OAS3: variants seen among roughly 807,000 people sequenced by gnomAD.
OAS3 encodes the protein 2'-5'-oligoadenylate synthetase 3.
In OAS3, 107 loss-of-function variants were observed where a neutral mutation model predicts 113.0. The observed-to-expected ratio is 0.95, with a 90% CI of 0.81 to 1.11. The LOEUF (loss-of-function observed/expected upper bound fraction) is 1.11. Among genes scored for constraint, OAS3 ranks in the 50% most tolerant of loss-of-function variants. The pLI is 0.00. For missense variants in OAS3, 1,258 were observed against 1,389.1 expected (o/e 0.91, Z 1.50); for synonymous variants, 552 against 573.6 (o/e 0.96, Z 0.54).
At position 112,965,827 on chromosome 12, in the gene OAS3, C is replaced by G. The variant is rs1344947160; in HGVS notation, c.2487C>G (p.Phe829Leu). Residue 829 changes from phenylalanine (F) to leucine (L), a missense_variant, in exon 12 of 16, where the codon TTC becomes TTG. Transcript: ENST00000228928. ...LVVFLSCFSQ[F>L]TEQGNKRAEI... ...TGTTCCTCAGCTGCTTCAGCCAGTT[C>G]ACTGAGCAGGGCAACAAGCGGGCCG... 6 of 1,613,744 alleles carry G rather than the reference C, an allele frequency of 3.7e-6. No individual in the cohort carries two copies. In the African/African-American group the frequency reaches 8.0e-5, roughly 22 times the overall value.
chr12:112,939,306 CTTTTTTTTTTTTTT>C (rs58792765), intron 1 of OAS3, among the ~76,000 whole-genome samples: 9 of 68,302 alleles, frequency 1.3e-4, no homozygotes, highest in East Asian at 5.3e-4. Flanking sequence ...TGAGTCACAT[CTTTTTTTTTTTTTT>C]TTTTTTTTTT....
chr12:112,964,466 G>A (rs2043917170), intron 11 of OAS3, 58 bp downstream of exon 11: 2 of 1,552,362 alleles, frequency 1.3e-6, no homozygotes, highest in Non-Finnish European at 1.8e-6. Flanking sequence ...ATCTCTCCCA[G>A]CCCAGGGCCA....
In OAS3 at chr12:112,962,831, C is replaced by T; in HGVS notation, c.2013C>T (p.Tyr671=). The T allele has an allele frequency of 6.2e-7, 1 of 1,614,040 alleles. No individual in the cohort carries two copies. ...LVQQHQQLCV[Y]WTVNYSTEDP... Reference sequence around the variant, plus strand: ...AACAGCATCAGCAGCTCTGTGTCTACTGGACGGTCAACTATAGCACTGAGG... The same window carrying T: ...AACAGCATCAGCAGCTCTGTGTCTATTGGACGGTCAACTATAGCACTGAGG... Residue 671 remains tyrosine (Y), a synonymous_variant, in exon 9 of 16, where the codon TAC becomes TAT. Coordinates refer to ENST00000228928, the MANE Select transcript of OAS3 (RefSeq NM_006187.4).
Position 112,949,243 on chromosome 12 carries a change from C to T in OAS3, c.1374+38C>T, listed in dbSNP as rs572898534. The T allele has an allele frequency of 1.7e-5, 27 of 1,564,904 alleles. No homozygotes were observed. In the Admixed American group the frequency reaches 2.5e-4, roughly 15 times the overall value. ...AGTGGAGACACAGGGGGGACCCTAT[C>T]GAGGGATCAGCGTGGGGAAGGGAAG... On this transcript the variant is annotated intron_variant, in intron 6 of 15. Transcript: ENST00000228928.
chr12:112,941,014 TAAA>T (rs1468039809), intron 1 of OAS3, among the ~76,000 whole-genome samples: 5 of 151,644 alleles, frequency 3.3e-5, no homozygotes, highest in African/African-American at 1.2e-4. Flanking sequence ...AAACTAAAAA[TAAA>T]AATAAAATTA....
chr12:112,948,831 G>T (rs1277731137), intron 5 of OAS3, 30 bp from the exon 6 acceptor site: 23 of 1,513,882 alleles, frequency 1.5e-5, no homozygotes, highest in Non-Finnish European at 2.0e-5. Context: ...ACTGCGCCTG[G>T]CTGAGGCAGC....
intron 1 of OAS3, among the ~76,000 whole-genome samples, chr12:112,939,406 G>A (rs1449029235): frequency 1.5e-5 from 2 of 137,502 alleles, no homozygotes; most frequent in Admixed American, 8.4e-5. Context: ...AGCAACCTCC[G>A]CCTCCTGGGC....
In OAS3 at chr12:112,941,635, C is replaced by G; in HGVS notation, c.243C>G (p.Leu81=). The G allele has an allele frequency of 5.0e-6, 8 of 1,614,036 alleles. No homozygotes were observed. The highest frequency in any genetic ancestry group is 6.8e-6 in the Non-Finnish European group (8 of 1,179,898). ...GTGATTCTGAACTTGTCATCTTCCT[C>G]GACTGCTTCAAGAGCTATGTGGACC... ...GGCDSELVIF[L]DCFKSYVDQR... The change falls in exon 2 of 16, where the codon CTC becomes CTG. Residue 81 remains leucine (L), a synonymous_variant. Coordinates refer to ENST00000228928, the MANE Select transcript of OAS3 (RefSeq NM_006187.4).
chr12:112,939,065 A>T (rs1433632486), intron 1 of OAS3, among the ~76,000 whole-genome samples: 1 of 152,226 alleles, frequency 6.6e-6, no homozygotes, highest in Non-Finnish European at 1.5e-5. Context: ...TCTCCCAGTC[A>T]TTCAAACAGA....
At position 112,961,203 on chromosome 12, in the gene OAS3, A is replaced by G. The variant is rs764743841; in HGVS notation, c.1790A>G (p.Lys597Arg). The part of the protein sequence containing the change: ...RRNFMNIRPV[K>R]LKNLILLVKH... ...AACTTCATGAACATTCGCCCTGTCAAGCTGAAGAACCTGATTCTGCTGGTG... is the reference window on the plus strand; with the variant it reads ...AACTTCATGAACATTCGCCCTGTCAGGCTGAAGAACCTGATTCTGCTGGTG... The change falls in exon 8 of 16, where the codon AAG (lysine) becomes AGG (arginine). Residue 597 changes from lysine to arginine, a missense_variant. Physicochemically the swap from Lys to Arg is conservative, Grantham distance 26. Transcript: ENST00000228928. 2 of 1,613,220 alleles carry G rather than the reference A, an allele frequency of 1.2e-6. No individual in the cohort carries two copies. The highest frequency in any genetic ancestry group is 1.7e-6 in the Non-Finnish European group (2 of 1,179,902).
In OAS3 at chr12:112,968,085, C is replaced by G. The variant is rs1256791126; in HGVS notation, c.3015C>G (p.Tyr1005Ter). 7 of 1,613,820 alleles carry G rather than the reference C, an allele frequency of 4.3e-6. No homozygotes were observed. Among genetic ancestry groups the G allele is most frequent in the Non-Finnish European group, 8.5e-7 (1 of 1,179,878 alleles). The change falls in exon 14 of 16, where the codon TAC becomes TAG. Residue 1005 changes from tyrosine to a stop codon, truncating the protein, a stop_gained. Transcript: ENST00000228928. LOFTEE classifies it high-confidence loss of function. ...FRTVLELVTQ[Y>*]RQLCIYWTIN... ...CGGTCCTGGAGCTGGTCACCCAGTA[C>G]CGCCAGCTCTGTATCTACTGGACCA...
At chr12:112,957,732 T>C (rs955898769) in intron 7 of OAS3, among the ~76,000 whole-genome samples, 3 of 152,250 alleles carry the variant, frequency 2.0e-5, no homozygotes, top group Non-Finnish European at 4.4e-5. Context: ...CTTCCCTTTG[T>C]GGGTAACTCG....
At chr12:112,948,502 CA>C (rs35812521) in intron 5 of OAS3, among the ~76,000 whole-genome samples, 126 of 99,466 alleles carry the variant, frequency 1.3e-3, no homozygotes, top group Non-Finnish European at 1.6e-3. Context: ...GACTCCGTCC[CA>C]AAAAAAAAAA....
rs578239279 is a variant in OAS3 at position 112,960,686 on chromosome 12, T to TA, written c.1658-380dup. ...GATGAGGAAACTAGACCCGAAGAGG[T>TA]AAAAATCACACAGCTTGGATTTGAA... On this transcript the variant is annotated intron_variant, in intron 7 of 15. Transcript: ENST00000228928. 1.8e-3 allele frequency among the ~76,000 whole-genome samples: 280 copies of TA among 152,220 alleles called. 2 individuals are homozygous for TA. Among genetic ancestry groups the TA allele is most frequent in the African/African-American group, 6.4e-3 (267 of 41,486 alleles).
chr12:112,968,099 T>G lies in OAS3; in HGVS notation c.3029T>G (p.Ile1010Ser). 1 of 1,613,970 alleles carries G rather than the reference T, an allele frequency of 6.2e-7. No individual in the cohort carries two copies. Among genetic ancestry groups the G allele is most frequent in the South Asian group, 1.1e-5 (1 of 91,080 alleles). ...GTCACCCAGTACCGCCAGCTCTGTATCTACTGGACCATCAACTACAACGCC... is the reference window on the plus strand; with the variant it reads ...GTCACCCAGTACCGCCAGCTCTGTAGCTACTGGACCATCAACTACAACGCC... ...ELVTQYRQLC[I>S]YWTINYNAKD... Residue 1010 changes from isoleucine (I) to serine (S), a missense_variant, in exon 14 of 16, where the codon ATC becomes AGC. Ile to Ser is a moderately radical substitution (Grantham distance 142). Coordinates refer to ENST00000228928, the MANE Select transcript of OAS3 (RefSeq NM_006187.4).
intron 7 of OAS3, among the ~76,000 whole-genome samples, chr12:112,951,916 G>T (rs1235762557): frequency 6.6e-6 from 1 of 151,880 alleles, no homozygotes; most frequent in African/African-American, 2.4e-5. Context: ...GGAGACTGAG[G>T]CAGGAAAATC....
At chr12:112,947,195 A>T (rs10850103) in intron 4 of OAS3, among the ~76,000 whole-genome samples, 118,831 of 152,164 alleles carry the variant, frequency 0.78, 47,474 homozygotes, top group African/African-American at 0.94. Context: ...TGGCCCCACA[A>T]GTTTTATGCG....
At position 112,972,569 on chromosome 12, in the gene OAS3, G is replaced by A. The variant is rs1386965983; in HGVS notation, c.*2596G>A. ...CACACGCAATAGCTAGGAAAACACA[G>A]GGAAAGAAGAGTTCTGAGCAGGGCC... On this transcript the variant is annotated 3_prime_UTR_variant, in exon 16 of 16. Coordinates refer to ENST00000228928, the MANE Select transcript of OAS3 (RefSeq NM_006187.4). 3 of 152,226 alleles carry A rather than the reference G, an allele frequency of 2.0e-5. No homozygotes were observed. The highest frequency in any genetic ancestry group is 4.4e-5 in the Non-Finnish European group (3 of 68,056). 9.4% of individuals were successfully genotyped at this position (152,226 alleles called of 1,614,324 possible).
chr12:112,965,715 G>T lies in OAS3; in HGVS notation c.2404-29G>T, dbSNP rs781171199. The stretch of plus-strand genomic sequence containing the variant: ...CCGACAGGCTAAGCCATGCTTCAAG[G>T]GTTGAGCCACCTGCCATGTCCTCTC... On this transcript the variant is annotated intron_variant, in intron 11 of 15. Coordinates refer to ENST00000228928, the MANE Select transcript of OAS3 (RefSeq NM_006187.4). The T allele has an allele frequency of 2.5e-5, 40 of 1,588,094 alleles. 1 individual carries two copies. In the South Asian group the frequency reaches 4.5e-4, roughly 18 times the overall value.
Sources: allele counts gnomAD v4.1 joint callset (sites outside exome capture counted in the v4.1 genomes callset), GRCh38; gene constraint gnomAD v4.1.1; transcripts MANE v1.5; gene names NCBI Gene and HGNC (gene_info 2026-07-23, HGNC 2026-07-21).